ARHGAP10: variants seen among roughly 807,000 people sequenced by gnomAD.
ARHGAP10 encodes the protein rho GTPase-activating protein 10.
Under a neutral mutation model 108.6 loss-of-function variants are expected in ARHGAP10, and 87 were observed. That is an observed-to-expected ratio of 0.80 (90% CI 0.67 to 0.96). ARHGAP10 has a LOEUF of 0.96. Ranked by LOEUF, ARHGAP10 falls within the 40% of genes least tolerant of loss-of-function variation. The pLI, the probability that ARHGAP10 is intolerant of heterozygous loss-of-function variation, is 0.00. For synonymous variants in ARHGAP10, 347 were observed against 341.1 expected (o/e 1.02, Z -0.19); for missense variants, 939 against 954.5 (o/e 0.98, Z 0.21).
intron 18 of ARHGAP10, among the ~76,000 whole-genome samples, chr4:147,993,009 T>A (rs1199107760): frequency 2.0e-5 from 3 of 152,244 alleles, no homozygotes; most frequent in Non-Finnish European, 4.4e-5. Flanking sequence ...CATTACTACT[T>A]CTTATGCAGA....
At chr4:147,892,625 A>C (rs1735832242) in intron 10 of ARHGAP10, among the ~76,000 whole-genome samples, 1 of 151,756 alleles carries the variant, frequency 6.6e-6, no homozygotes, top group African/African-American at 2.4e-5. Context: ...AGCTTACTAA[A>C]GAAAGTGATT....
intron 10 of ARHGAP10, among the ~76,000 whole-genome samples, chr4:147,896,509 A>G (rs957646873): frequency 6.6e-6 from 1 of 152,034 alleles, no homozygotes; most frequent in African/African-American, 2.4e-5. Flanking sequence ...TTTCATATCT[A>G]TAGGATTTAT....
intron 13 of ARHGAP10, among the ~76,000 whole-genome samples, chr4:147,929,818 G>T (rs1483762080): frequency 6.6e-6 from 1 of 151,972 alleles, no homozygotes; most frequent in Admixed American, 6.6e-5. Flanking sequence ...TACATATAAG[G>T]CATCTAAAAT....
intron 10 of ARHGAP10, among the ~76,000 whole-genome samples, chr4:147,892,924 C>G (rs1291503627): frequency 6.6e-6 from 1 of 152,196 alleles, no homozygotes; most frequent in East Asian, 1.9e-4. Flanking sequence ...TGAACACCCT[C>G]CAGGGCACAG....
At chr4:147,833,740 T>A (rs2126800514) in intron 3 of ARHGAP10, among the ~76,000 whole-genome samples, 1 of 152,326 alleles carries the variant, frequency 6.6e-6, no homozygotes, top group Non-Finnish European at 1.5e-5. Context: ...ATTAGCAGGA[T>A]TTTTTTGTGG....
At chr4:147,851,330 G>A (rs1733869073) in intron 4 of ARHGAP10, among the ~76,000 whole-genome samples, 1 of 151,806 alleles carries the variant, frequency 6.6e-6, no homozygotes, top group Non-Finnish European at 1.5e-5. Flanking sequence ...TCCTGGGTCA[G>A]ATGATCTGAG....
intron 5 of ARHGAP10, 81 bp downstream of exon 5, chr4:147,857,735 T>A (rs1734153384): frequency 8.4e-7 from 1 of 1,195,004 alleles, no homozygotes; most frequent in Non-Finnish European, 1.1e-6. Flanking sequence ...TTAATTTGGA[T>A]AACTTTTCAT....
chr4:147,936,011 T>C (rs1160259674), intron 13 of ARHGAP10, among the ~76,000 whole-genome samples: 1 of 152,206 alleles, frequency 6.6e-6, no homozygotes, highest in Non-Finnish European at 1.5e-5. Flanking sequence ...TCTTATTTCA[T>C]CTCTCCATAT....
At chr4:147,775,192 C>T (rs540850347) in intron 1 of ARHGAP10, among the ~76,000 whole-genome samples, 13 of 152,290 alleles carry the variant, frequency 8.5e-5, no homozygotes, top group South Asian at 6.2e-4. Context: ...GGATTACAGG[C>T]GTGAGCCACC....
Position 147,965,038 on chromosome 4 carries a change from G to C in ARHGAP10, c.1465G>C (p.Glu489Gln). ...TTTTTTGGAAGAAAGCGGCAGCCCA[G>C]AATCTCGTGTTAATGCGATCCATTT... ...FIVPAKSGSP[E>Q]SRVNAIHFLV... The change falls in exon 17 of 23, where the codon GAA becomes CAA. Residue 489 changes from glutamate to glutamine, a missense_variant. Physicochemically the swap from Glu to Gln is conservative, Grantham distance 29. Coordinates refer to ENST00000336498, the MANE Select transcript of ARHGAP10 (RefSeq NM_024605.4). 1 of 1,575,054 alleles carries C rather than the reference G, an allele frequency of 6.3e-7. No homozygotes were observed. Among genetic ancestry groups the C allele is most frequent in the Non-Finnish European group, 8.6e-7 (1 of 1,163,744 alleles).
chr4:148,067,913 C>T (rs893835470), intron 22 of ARHGAP10, among the ~76,000 whole-genome samples: 1 of 152,100 alleles, frequency 6.6e-6, no homozygotes, highest in African/African-American at 2.4e-5. Flanking sequence ...CAGTTCTAGG[C>T]GGAAGATGTG....
At chr4:147,753,777 C>T (rs1390279732) in intron 1 of ARHGAP10, among the ~76,000 whole-genome samples, 1 of 152,092 alleles carries the variant, frequency 6.6e-6, no homozygotes, top group African/African-American at 2.4e-5. Flanking sequence ...TCATGATGCT[C>T]ACGTATTCAT....
At chr4:147,784,396 TTATA>T (rs1730716680) in intron 1 of ARHGAP10, among the ~76,000 whole-genome samples, 1 of 130,006 alleles carries the variant, frequency 7.7e-6, no homozygotes, top group Non-Finnish European at 1.6e-5. Context: ...AATTTATAAA[TTATA>T]TAATATAAAG....
At chr4:148,052,767 G>A (rs1371752632) in intron 20 of ARHGAP10, among the ~76,000 whole-genome samples, 1 of 152,136 alleles carries the variant, frequency 6.6e-6, no homozygotes, top group Non-Finnish European at 1.5e-5. Flanking sequence ...GGGTCACTTA[G>A]ATAGTGGAGG....
chr4:147,910,340 G>T, intron 12 of ARHGAP10, among the ~76,000 whole-genome samples: 1 of 143,390 alleles, frequency 7.0e-6, no homozygotes, highest in Admixed American at 6.9e-5. Context: ...TTTTTTGTGA[G>T]TCTTTCTCAA....
chr4:147,745,920 G>A (rs2126685197), intron 1 of ARHGAP10, among the ~76,000 whole-genome samples: 1 of 151,430 alleles, frequency 6.6e-6, no homozygotes, highest in South Asian at 2.1e-4. Context: ...CTGAGTAGCT[G>A]GGATTACCGG....
intron 19 of ARHGAP10, among the ~76,000 whole-genome samples, chr4:148,043,746 G>GTATA (rs34694852): frequency 0.12 from 16,477 of 137,774 alleles, 1,518 homozygotes; most frequent in African/African-American, 0.25. Context: ...GTATATATAT[G>GTATA]TATATATGTA....
At chr4:148,002,606 A>G (rs1055503403) in intron 18 of ARHGAP10, among the ~76,000 whole-genome samples, 1 of 152,110 alleles carries the variant, frequency 6.6e-6, no homozygotes, top group Middle Eastern at 3.2e-3. Flanking sequence ...TTATTGGTCT[A>G]TTCGGGGATT....
intron 5 of ARHGAP10, among the ~76,000 whole-genome samples, chr4:147,858,740 C>T (rs1000656777): frequency 2.6e-5 from 4 of 152,162 alleles, no homozygotes; most frequent in Non-Finnish European, 5.9e-5. Context: ...TTTACAGGCC[C>T]CCTTTATGCT....
Sources: gnomAD v4.1 joint callset for allele counts (sites outside exome capture counted in the v4.1 genomes callset) on GRCh38, gnomAD v4.1.1 for gene constraint, MANE v1.5 for transcripts, NCBI Gene and HGNC (gene_info 2026-07-23, HGNC 2026-07-21) for gene names.